Variants in SDK1 observed in about 807,000 individuals in gnomAD.
SDK1 encodes the protein protein sidekick-1.
A neutral mutation model predicts 245.5 loss-of-function variants in SDK1; 157 were observed. That is an observed-to-expected ratio of 0.64 (90% CI 0.56 to 0.73). SDK1 has a LOEUF of 0.73. SDK1 is among the 30% of genes least tolerant of loss of function. The pLI, the probability that SDK1 is intolerant of heterozygous loss-of-function variation, is 0.00. For synonymous variants in SDK1, 1,647 were observed against 1,278.5 expected, an observed-to-expected ratio of 1.29 and a Z score of -6.15; for missense variants, 3,583 against 3,002.3, an observed-to-expected ratio of 1.19 and a Z score of -4.52.
At chr7:3,379,721 A>G (rs1781438545) in intron 1 of SDK1, among the ~76,000 whole-genome samples, 1 of 152,224 alleles carries the variant, frequency 6.6e-6, no homozygotes. Flanking sequence ...GCATGAATTT[A>G]TGTACTGTAT....
intron 4 of SDK1, among the ~76,000 whole-genome samples, chr7:3,739,852 G>C (rs1417004281): frequency 6.6e-6 from 1 of 151,888 alleles, no homozygotes; most frequent in African/African-American, 2.4e-5. Context: ...TTTAACAACT[G>C]GGCATTTGAA....
At chr7:3,302,326 C>G (rs1482520707) in intron 1 of SDK1, 1 of 152,076 alleles carries the variant, frequency 6.6e-6, no homozygotes, top group African/African-American at 2.4e-5. Context: ...TTTTCCAGCC[C>G]CTCCCCAGGG....
At chr7:3,705,704 C>A (rs1404049857) in intron 4 of SDK1, among the ~76,000 whole-genome samples, 1 of 151,830 alleles carries the variant, frequency 6.6e-6, no homozygotes, top group Non-Finnish European at 1.5e-5. Flanking sequence ...TGGCAGACAG[C>A]AATAATTTGA....
chr7:3,743,342 C>G (rs1779529293), intron 4 of SDK1, among the ~76,000 whole-genome samples: 1 of 152,126 alleles, frequency 6.6e-6, no homozygotes, highest in South Asian at 2.1e-4. Flanking sequence ...TACAGTCTTG[C>G]TAAGTCACAG....
intron 4 of SDK1, among the ~76,000 whole-genome samples, chr7:3,798,041 A>G (rs376987373): frequency 5.3e-5 from 8 of 152,056 alleles, no homozygotes; most frequent in African/African-American, 1.9e-4. Context: ...CATCAAAACT[A>G]AGAAATTTTC....
At chr7:4,205,745 C>T (rs1242641005) in intron 35 of SDK1, 134 bp from the exon 36 acceptor site, 144 of 726,136 alleles carry the variant, frequency 2.0e-4, no homozygotes, top group South Asian at 1.8e-3. Context: ...GCCAGGGCGA[C>T]GGCCCAGGGA....
At chr7:3,850,278 T>C (rs1356469756) in intron 5 of SDK1, among the ~76,000 whole-genome samples, 1 of 152,172 alleles carries the variant, frequency 6.6e-6, no homozygotes, top group African/African-American at 2.4e-5. Flanking sequence ...ATGCTATGTA[T>C]CTCATGAGAA....
At chr7:4,142,274 A>C (rs973979885) in intron 28 of SDK1, among the ~76,000 whole-genome samples, 19 of 148,890 alleles carry the variant, frequency 1.3e-4, no homozygotes, top group Admixed American at 1.2e-3. Flanking sequence ...TGAACTTAAC[A>C]CTGGGTTACA....
Position 4,112,758 on chromosome 7 carries a change from A to ATTT in SDK1, c.3435-521_3435-519dup, listed in dbSNP as rs10637008. ...GAAAAAGGGCACATATGCAATTTGC[A>ATTT]TTTTTTTTTTTTCTGAGGCAGAGTC... On this transcript the variant is annotated intron_variant, in intron 23 of 44. Coordinates refer to ENST00000404826, the MANE Select transcript of SDK1 (RefSeq NM_152744.4). Among the ~76,000 whole-genome samples the ATTT allele has an allele frequency of 7.8e-3, 1,144 of 147,100 alleles. 18 individuals are homozygous for ATTT. Among genetic ancestry groups the ATTT allele is most frequent in the African/African-American group, 0.027 (1,076 of 40,222 alleles).
rs17301670 is a variant in SDK1, at chr7:4,134,545, G to A, written c.4228+2122G>A. On this transcript the variant is annotated intron_variant, in intron 28 of 44. Transcript: ENST00000404826. ...AAGCAGGGCTAATATCTGATTACCC[G>A]GGAGCTGTCCCCAGCATGCTGTGAA... Among the ~76,000 whole-genome samples, 1,359 of 152,310 alleles carry A rather than the reference G, an allele frequency of 8.9e-3. 2 individuals are homozygous for A. The highest frequency in any genetic ancestry group is 0.014 in the Non-Finnish European group (945 of 68,036).
chr7:3,564,733 C>T (rs1472331615), intron 1 of SDK1, among the ~76,000 whole-genome samples: 1 of 151,824 alleles, frequency 6.6e-6, no homozygotes, highest in African/African-American at 2.4e-5. Flanking sequence ...AGCTTTCCTC[C>T]CAGAAAGCAC....
intron 41 of SDK1, among the ~76,000 whole-genome samples, chr7:4,235,832 G>A (rs905794044): frequency 1.2e-4 from 18 of 152,194 alleles, no homozygotes; most frequent in Non-Finnish European, 2.9e-5. Context: ...ACCTGCTGGC[G>A]TCAGGACCGG....
chr7:3,659,542 G>C (rs556561724), intron 4 of SDK1, among the ~76,000 whole-genome samples: 1 of 152,190 alleles, frequency 6.6e-6, no homozygotes, highest in Non-Finnish European at 1.5e-5. Context: ...AAGGGGGCCT[G>C]TGTGGTACAT....
At chr7:3,680,974 C>T (rs1784081902) in intron 4 of SDK1, among the ~76,000 whole-genome samples, 1 of 152,174 alleles carries the variant, frequency 6.6e-6, no homozygotes, top group African/African-American at 2.4e-5. Context: ...TCCGGAGTAG[C>T]TGGGACTACA....
chr7:4,193,650 A>G (rs188528590), intron 35 of SDK1, among the ~76,000 whole-genome samples: 2 of 152,126 alleles, frequency 1.3e-5, no homozygotes, highest in East Asian at 3.9e-4. Context: ...ATGCACCTTA[A>G]CTTGCAGGTC....
intron 5 of SDK1, among the ~76,000 whole-genome samples, chr7:3,948,623 T>C (rs905373300): frequency 1.3e-5 from 2 of 152,170 alleles, no homozygotes; most frequent in African/African-American, 4.8e-5. Context: ...CCTCCTGTGG[T>C]GGAGCTGAAC....
intron 43 of SDK1, 32 bp downstream of exon 43, chr7:4,241,945 G>T: frequency 6.2e-7 from 1 of 1,607,120 alleles, no homozygotes; most frequent in Non-Finnish European, 8.5e-7. Context: ...GCGCCCACCT[G>T]GGGATCTGAG....
At chr7:3,348,419 G>A (rs1780564788) in intron 1 of SDK1, among the ~76,000 whole-genome samples, 1 of 152,172 alleles carries the variant, frequency 6.6e-6, no homozygotes, top group Non-Finnish European at 1.5e-5. Context: ...CAAGGTGGGT[G>A]CAGCTGGAGG....
chr7:3,771,240 A>G (rs117414867), intron 4 of SDK1, among the ~76,000 whole-genome samples: 6,291 of 152,114 alleles, frequency 0.041, 214 homozygotes, highest in Non-Finnish European at 0.065. Context: ...GCAGGGATCC[A>G]GGATAGTGTG....
Sources: allele counts gnomAD v4.1 joint callset (sites outside exome capture counted in the v4.1 genomes callset), GRCh38; gene constraint gnomAD v4.1.1; transcripts MANE v1.5; gene names NCBI Gene and HGNC (gene_info 2026-07-23, HGNC 2026-07-21).